Variants in AGMO observed in about 807,000 individuals in gnomAD.
AGMO encodes the protein alkylglycerol monooxygenase, also known as glyceryl-ether monooxygenase.
AGMO carries 75 observed loss-of-function variants against 60.2 expected under a neutral mutation model. The ratio of observed to expected loss-of-function variants is 1.25; its 90% CI spans 1.03 to 1.51. The LOEUF is 1.51. Ranked by LOEUF, AGMO falls within the 40% of genes most tolerant of loss-of-function variation. AGMO has a pLI of 0.00. For synonymous variants in AGMO, 261 were observed against 177.1 expected, an observed-to-expected ratio of 1.47 and a Z score of -3.76; for missense variants, 763 against 525.5, an observed-to-expected ratio of 1.45 and a Z score of -4.42.
intron 3 of AGMO, among the ~76,000 whole-genome samples, chr7:15,443,778 T>C (rs1232763537): frequency 6.6e-6 from 1 of 152,174 alleles, no homozygotes; most frequent in Non-Finnish European, 1.5e-5. Context: ...AGAGTAATAG[T>C]TTATGACACA....
intron 3 of AGMO, among the ~76,000 whole-genome samples, chr7:15,508,426 A>T (rs1783580573): frequency 6.6e-6 from 1 of 152,160 alleles, no homozygotes; most frequent in Admixed American, 6.6e-5. Flanking sequence ...GTTTGTTTTC[A>T]TAAACAGTGG....
At chr7:15,413,726 G>A (rs1780678333) in intron 5 of AGMO, among the ~76,000 whole-genome samples, 1 of 152,050 alleles carries the variant, frequency 6.6e-6, no homozygotes. Context: ...ATTCAGAAAA[G>A]TATCTTTCAA....
At position 15,327,946 on chromosome 7, in the gene AGMO, AT is replaced by A. The variant is rs900424354; in HGVS notation, c.1263+37567del. On this transcript the variant is annotated intron_variant, in intron 12 of 12. Transcript: ENST00000342526. ...TTGCCGGGCTAATTTAAAAAAAAAA[AT>A]TTTTTTTTGGTTGAGACAGGGTCTC... is the stretch of plus-strand genomic sequence containing the variant. Among the ~76,000 whole-genome samples the A allele has an allele frequency of 5.5e-3, 820 of 148,236 alleles. 12 individuals carry two copies. The highest frequency in any genetic ancestry group is 0.019 in the African/African-American group (761 of 39,972).
intron 12 of AGMO, among the ~76,000 whole-genome samples, chr7:15,290,173 G>T (rs1356916676): frequency 6.6e-6 from 1 of 151,690 alleles, no homozygotes; most frequent in African/African-American, 2.4e-5. Flanking sequence ...GGGATTAGAG[G>T]TATGCGCCAC....
At chr7:15,329,365 G>A (rs1156426835) in intron 12 of AGMO, among the ~76,000 whole-genome samples, 1 of 152,172 alleles carries the variant, frequency 6.6e-6, no homozygotes. Context: ...CATAGGTGAT[G>A]AGGAGCACCA....
downstream of AGMO, among the ~76,000 whole-genome samples, chr7:15,199,052 A>G (rs79214862): frequency 0.12 from 18,908 of 152,186 alleles, 1,556 homozygotes; most frequent in East Asian, 0.35. Context: ...CAAACTATAA[A>G]CTAAGTTCCT....
intron 5 of AGMO, among the ~76,000 whole-genome samples, chr7:15,406,579 CA>C (rs1324492244): frequency 7.6e-6 from 1 of 130,826 alleles, no homozygotes; most frequent in Non-Finnish European, 1.6e-5. Flanking sequence ...CACACACACA[CA>C]CACACACACG....
chr7:15,341,312 C>A (rs1781839737), intron 12 of AGMO, among the ~76,000 whole-genome samples: 1 of 152,152 alleles, frequency 6.6e-6, no homozygotes, highest in South Asian at 2.1e-4. Flanking sequence ...CCACCAGATA[C>A]CTTAAATCAT....
chr7:15,459,091 C>T (rs922671852), intron 3 of AGMO, among the ~76,000 whole-genome samples: 2 of 152,110 alleles, frequency 1.3e-5, no homozygotes, highest in Non-Finnish European at 2.9e-5. Flanking sequence ...TAAACTATAT[C>T]ACAAACATTT....
the AGMO span, among the ~76,000 whole-genome samples, chr7:15,183,399 A>G: frequency 1.3e-4 from 20 of 152,304 alleles, no homozygotes; most frequent in East Asian, 3.7e-3. Flanking sequence ...ATTACCTATC[A>G]TAATATTCTG....
chr7:15,154,980 G>A, the AGMO span, among the ~76,000 whole-genome samples: 2 of 152,086 alleles, frequency 1.3e-5, no homozygotes, highest in Non-Finnish European at 2.9e-5. Context: ...TTACCCTGAT[G>A]GGGTTCTCTT....
At chr7:15,130,499 T>G in the AGMO span, among the ~76,000 whole-genome samples, 9 of 152,086 alleles carry the variant, frequency 5.9e-5, no homozygotes, top group Non-Finnish European at 1.3e-4. Flanking sequence ...GGAAATTGTT[T>G]AAAACATTGT....
intron 10 of AGMO, among the ~76,000 whole-genome samples, chr7:15,380,082 C>A (rs1783613387): frequency 6.6e-6 from 1 of 152,122 alleles, no homozygotes; most frequent in South Asian, 2.1e-4. Context: ...TGGAAGCATT[C>A]CCCTTGAAAC....
the AGMO span, among the ~76,000 whole-genome samples, chr7:15,126,839 T>C: frequency 6.6e-6 from 1 of 152,136 alleles, no homozygotes; most frequent in Non-Finnish European, 1.5e-5. Context: ...AATAATCAAC[T>C]AAGAGCCAGG....
chr7:15,395,787 T>C (rs1223652861), intron 5 of AGMO, among the ~76,000 whole-genome samples: 1 of 152,240 alleles, frequency 6.6e-6, no homozygotes, highest in East Asian at 1.9e-4. Context: ...ATAAATTGCC[T>C]AAGTCTCAGA....
chr7:15,467,556 A>T lies in AGMO; in HGVS notation c.410-36448T>A, dbSNP rs1462534557. ...ATACACACAAAAGGACTAAAACTCCACAAAGGTGCATGGGAATTTAATAAT... is the reference window on the plus strand; with the variant it reads ...ATACACACAAAAGGACTAAAACTCCTCAAAGGTGCATGGGAATTTAATAAT... On this transcript the variant is annotated intron_variant, in intron 3 of 12. Transcript: ENST00000342526. Among the ~76,000 whole-genome samples the T allele has an allele frequency of 4.6e-5, 7 of 152,224 alleles. No homozygotes were observed. In the East Asian group the frequency reaches 1.2e-3, roughly 25 times the overall value.
At chr7:15,436,820 A>G (rs1781416590) in intron 3 of AGMO, among the ~76,000 whole-genome samples, 1 of 152,204 alleles carries the variant, frequency 6.6e-6, no homozygotes. Flanking sequence ...ATCATGGCAC[A>G]TCTTTGGTAA....
At chr7:15,207,727 G>A (rs917335951) in intron 12 of AGMO, among the ~76,000 whole-genome samples, 1 of 152,208 alleles carries the variant, frequency 6.6e-6, no homozygotes, top group African/African-American at 2.4e-5. Flanking sequence ...GAGGTCAGGA[G>A]ATCGAGACCA....
chr7:15,411,524 T>A (rs9638723), intron 5 of AGMO, among the ~76,000 whole-genome samples: 80,153 of 151,804 alleles, frequency 0.53, 21,484 homozygotes, highest in Middle Eastern at 0.65. Context: ...GTTGTTTTTT[T>A]AAAAAGCATG....
Sources: allele counts gnomAD v4.1 joint callset (sites outside exome capture counted in the v4.1 genomes callset), GRCh38; gene constraint gnomAD v4.1.1; transcripts MANE v1.5; gene names NCBI Gene and HGNC (gene_info 2026-07-23, HGNC 2026-07-21).